ARID4B: variants seen among roughly 807,000 people sequenced by gnomAD.
The protein encoded by ARID4B is AT-rich interaction domain 4B, also known as AT-rich interactive domain-containing protein 4B.
ARID4B carries 26 observed loss-of-function variants against 147.5 expected under a neutral mutation model. That is an observed-to-expected ratio of 0.18 (90% CI 0.13 to 0.24). ARID4B has a LOEUF of 0.24. Among genes scored for constraint, ARID4B ranks in the 10% least tolerant of loss-of-function variants. The probability of loss-of-function intolerance (pLI) is 1.00; values close to 1 mark genes in which losing one functional copy is unlikely to be tolerated. For missense variants in ARID4B, 1,179 were observed against 1,511.5 expected (o/e 0.78, Z 3.65); for synonymous variants, 512 against 507.9 (o/e 1.01, Z -0.11).
chr1:235,319,119 T>A (rs914718639), intron 2 of ARID4B, among the ~76,000 whole-genome samples: 8 of 152,090 alleles, frequency 5.3e-5, no homozygotes, highest in African/African-American at 1.9e-4. Context: ...CAAGACCTCA[T>A]CTCTAAAAAA....
chr1:235,309,856 G>A (rs537070346), intron 2 of ARID4B, among the ~76,000 whole-genome samples: 1 of 152,370 alleles, frequency 6.6e-6, no homozygotes, highest in African/African-American at 2.4e-5. Context: ...TTGGGATCCT[G>A]TTGATCTGTG....
chr1:235,246,978 A>T (rs1348692822), intron 6 of ARID4B, among the ~76,000 whole-genome samples: 1 of 152,218 alleles, frequency 6.6e-6, no homozygotes, highest in Non-Finnish European at 1.5e-5. Context: ...CGCACGAACA[A>T]AAAGCCTCGG....
intron 2 of ARID4B, among the ~76,000 whole-genome samples, chr1:235,323,085 A>G (rs1674961197): frequency 6.6e-6 from 1 of 151,138 alleles, no homozygotes; most frequent in Admixed American, 6.6e-5. Context: ...CTGTCACCCA[A>G]GCTGGAGTGC....
intron 2 of ARID4B, among the ~76,000 whole-genome samples, chr1:235,262,236 GA>G (rs1270937094): frequency 1.3e-5 from 2 of 151,876 alleles, no homozygotes; most frequent in Non-Finnish European, 1.5e-5. Context: ...ATTTCCCAAA[GA>G]AAAAGGGAAA....
At position 235,181,841 on chromosome 1, in the gene ARID4B, T is replaced by C; in HGVS notation, c.3078A>G (p.Thr1026=). 3 of 1,614,184 alleles carry C rather than the reference T, an allele frequency of 1.9e-6. No individual in the cohort carries two copies. The highest frequency in any genetic ancestry group is 1.1e-5 in the South Asian group (1 of 91,088). ...SNSVLNTPPT[T]PESPSSVTVT... is the part of the protein sequence containing the mutation. The stretch of plus-strand genomic sequence containing the variant: ...CAGTGACTGATGAAGGCGATTCAGG[T>C]GTAGTAGGAGGGGTATTTAGCACTG... Residue 1026 remains threonine (T), a synonymous_variant, in exon 20 of 24, where the codon ACA becomes ACG. Transcript: ENST00000264183.
intron 2 of ARID4B, among the ~76,000 whole-genome samples, chr1:235,265,636 T>G (rs947729796): frequency 9.2e-5 from 14 of 151,766 alleles, no homozygotes; most frequent in Non-Finnish European, 2.1e-4. Flanking sequence ...GAGACTGAGG[T>G]TGCAGTGAGC....
intron 4 of ARID4B, 118 bp from the exon 5 acceptor site, chr1:235,255,868 T>G (rs1669950145): frequency 1.5e-6 from 1 of 657,030 alleles, no homozygotes; most frequent in South Asian, 2.2e-5. Context: ...GACTATTGAC[T>G]TCATTTAAAA....
chr1:235,220,541 A>G lies in ARID4B; in HGVS notation c.1168T>C (p.Leu390=), dbSNP rs1326797661. 1.9e-6 allele frequency: 3 copies of G among 1,560,592 alleles called. No individual in the cohort carries two copies. Among genetic ancestry groups the G allele is most frequent in the Non-Finnish European group, 2.6e-6 (3 of 1,156,698 alleles). The part of the protein sequence containing the change: ...YNVKCAYKKY[L]YGFEEYCRSA... Reference sequence around the variant, plus strand: ...CTACAGTACTCCTCAAAACCATATAAGTATCTGGAAACATGAAGAGAAATT... The same window carrying G: ...CTACAGTACTCCTCAAAACCATATAGGTATCTGGAAACATGAAGAGAAATT... Residue 390 remains leucine, a synonymous_variant, in exon 15 of 24, where the codon TTA becomes CTA. Coordinates refer to ENST00000264183, the MANE Select transcript of ARID4B (RefSeq NM_016374.6).
intron 2 of ARID4B, among the ~76,000 whole-genome samples, chr1:235,262,701 G>A (rs1296303056): frequency 6.6e-6 from 1 of 152,086 alleles, no homozygotes; most frequent in East Asian, 1.9e-4. Context: ...CACGCATTGT[G>A]GCTCACACCT....
intron 17 of ARID4B, among the ~76,000 whole-genome samples, chr1:235,197,567 AAG>A (rs1665589782): frequency 6.6e-6 from 1 of 152,226 alleles, no homozygotes; most frequent in African/African-American, 2.4e-5. Context: ...TAATAAGAAT[AAG>A]AGGGAATGGA....
At chr1:235,307,918 A>AAG (rs1162056732) in intron 2 of ARID4B, among the ~76,000 whole-genome samples, 14 of 151,016 alleles carry the variant, frequency 9.3e-5, no homozygotes, top group Non-Finnish European at 1.5e-5. Context: ...TGCAGCCTTG[A>AAG]GCTCCTGGGC....
At position 235,167,739 on chromosome 1, in the gene ARID4B, ACTGG is replaced by A. The variant is rs1360877480; in HGVS notation, c.*782_*785del. Reference sequence around the variant, plus strand: ...CATTATGAATAAATATACACTTTGAACTGGCTAAGTACAATCTTTATACATTGTT... The same window carrying A: ...CATTATGAATAAATATACACTTTGAACTAAGTACAATCTTTATACATTGTT... On this transcript the variant is annotated 3_prime_UTR_variant, in exon 24 of 24. Coordinates refer to ENST00000264183, the MANE Select transcript of ARID4B (RefSeq NM_016374.6). 3.1e-5 allele frequency: 6 copies of A among 196,534 alleles called. No individual in the cohort carries two copies. Among genetic ancestry groups the A allele is most frequent in the Non-Finnish European group, 6.4e-5 (6 of 94,466 alleles). The allele number at this position is 196,534 out of a possible 1,614,324, so 12.2% of individuals were successfully genotyped here. A position where few individuals can be genotyped will look rare whatever the true frequency, so the allele number is the denominator to read the frequency against.
rs1668422594 is a variant in ARID4B, at chr1:235,234,269, CA to C, written c.665+143del. The C allele has an allele frequency of 2.2e-5, 13 of 598,400 alleles. No homozygotes were observed. In the East Asian group the frequency reaches 4.0e-4, roughly 18 times the overall value. The allele number at this position is 598,400 out of a possible 1,614,324, so 37.1% of individuals were successfully genotyped here. On this transcript the variant is annotated intron_variant, in intron 9 of 23. Coordinates refer to ENST00000264183, the MANE Select transcript of ARID4B (RefSeq NM_016374.6). The stretch of plus-strand genomic sequence containing the variant: ...CAACACATTAAGATAATATGAAAAA[CA>C]GTGACTCTTTGAAACATTCTGTATG...
chr1:235,181,609 G>T lies in ARID4B; in HGVS notation c.3310C>A (p.Pro1104Thr). ...CCTTTTTCAGGATGTTCTGGTTCTG[G>T]CTGATTACTACTGCTTGAGCTCACA... ...ASVSSSSSNQPEPEHPEKACT... is the reference protein window; with the variant it reads ...ASVSSSSSNQTEPEHPEKACT... Residue 1104 changes from proline (P) to threonine (T), a missense_variant, in exon 20 of 24, where the codon CCA becomes ACA. By Grantham distance (38) the Pro-to-Thr change is conservative. This residue lies in a region of ARID4B where 357 missense variants were observed against 427.3 expected (regional missense o/e 0.84). Coordinates refer to ENST00000264183, the MANE Select transcript of ARID4B (RefSeq NM_016374.6). The T allele has an allele frequency of 6.2e-7, 1 of 1,613,104 alleles. No individual in the cohort carries two copies. Among genetic ancestry groups the T allele is most frequent in the Non-Finnish European group, 8.5e-7 (1 of 1,179,992 alleles).
chr1:235,296,991 T>A (rs1672786527), intron 2 of ARID4B, among the ~76,000 whole-genome samples: 1 of 152,064 alleles, frequency 6.6e-6, no homozygotes, highest in East Asian at 1.9e-4. Context: ...AAACCAGGGC[T>A]ACTTGTTCTT....
intron 16 of ARID4B, among the ~76,000 whole-genome samples, chr1:235,219,547 A>AG (rs1245241198): frequency 3.3e-5 from 5 of 152,216 alleles, no homozygotes; most frequent in Non-Finnish European, 7.3e-5. Flanking sequence ...ACTTTGCTCT[A>AG]GCTAAAAATT....
chr1:235,308,812 T>A (rs1274416637), intron 2 of ARID4B, among the ~76,000 whole-genome samples: 2 of 152,088 alleles, frequency 1.3e-5, no homozygotes, highest in African/African-American at 4.8e-5. Context: ...AGTGGCGTGA[T>A]CTCGGCTCGC....
chr1:235,283,711 G>T (rs1488037931), intron 2 of ARID4B, among the ~76,000 whole-genome samples: 1 of 152,064 alleles, frequency 6.6e-6, no homozygotes, highest in East Asian at 1.9e-4. Flanking sequence ...AGACCCTAAA[G>T]AAAATGAAAC....
At chr1:235,215,238 T>C (rs1305539244) in intron 16 of ARID4B, among the ~76,000 whole-genome samples, 2 of 152,098 alleles carry the variant, frequency 1.3e-5, no homozygotes, top group African/African-American at 4.8e-5. Context: ...ATTCAACAAG[T>C]TGGAGAAAAT....
Sources: gnomAD v4.1 joint callset for allele counts (sites outside exome capture counted in the v4.1 genomes callset) on GRCh38, gnomAD v4.1.1 for gene constraint, gnomAD v4.1.1 regional missense constraint, MANE v1.5 for transcripts, NCBI Gene and HGNC (gene_info 2026-07-23, HGNC 2026-07-21) for gene names.